TCP1: variants seen among roughly 807,000 people sequenced by gnomAD.
The protein encoded by TCP1 is t-complex 1.
TCP1 carries 6 observed loss-of-function variants against 54.7 expected under a neutral mutation model. The ratio of observed to expected loss-of-function variants is 0.11; its 90% CI spans 0.06 to 0.22. The LOEUF is 0.22. Ranked by LOEUF, TCP1 falls within the 10% of genes least tolerant of loss-of-function variation. TCP1 has a pLI of 1.00. For missense variants in TCP1, 511 were observed against 678.2 expected (o/e 0.75, Z 2.74); for synonymous variants, 225 against 229.7 (o/e 0.98, Z 0.19).
intron 3 of TCP1, 32 bp from the exon 4 acceptor site, chr6:159,786,029 G>T: frequency 6.4e-7 from 1 of 1,552,158 alleles, no homozygotes. Flanking sequence ...GTCTGAGTGT[G>T]CCGGATATTC....
Position 159,787,634 on chromosome 6 carries a change from G to A in TCP1, c.279+109C>T. The A allele has an allele frequency of 2.2e-6, 3 of 1,365,404 alleles. No homozygotes were observed. The South Asian group carries it at 4.3e-5, about 20-fold the overall frequency. 84.6% of individuals were successfully genotyped at this position (1,365,404 alleles called of 1,614,324 possible). On this transcript the variant is annotated intron_variant, in intron 3 of 11. Transcript: ENST00000321394. ...TCTTGCTCAATCTTCTGGGCATTCA[G>A]AATATGTAACTTATTTCTGACACAG... is the stretch of plus-strand genomic sequence containing the variant.
intron 2 of TCP1, 25 bp downstream of exon 2, chr6:159,788,033 T>C (rs1780740617): frequency 6.2e-7 from 1 of 1,611,466 alleles, no homozygotes. Flanking sequence ...TTAAGGAAAC[T>C]AACACAACAG....
At chr6:159,787,699 G>C (rs199992741) in intron 3 of TCP1, 44 bp downstream of exon 3, 2 of 1,586,856 alleles carry the variant, frequency 1.3e-6, no homozygotes, top group Non-Finnish European at 1.7e-6. Flanking sequence ...TCTGAAAGTC[G>C]GTCGTTTTTA....
chr6:159,788,545 T>C (rs1780754971), intron 1 of TCP1: 1 of 162,802 alleles, frequency 6.1e-6, no homozygotes, highest in South Asian at 1.6e-4. Context: ...AGCGAGCCTA[T>C]TTGGCACAGC....
At position 159,789,564 on chromosome 6, in the gene TCP1, C is replaced by G; in HGVS notation, c.-96G>C. The stretch of plus-strand genomic sequence containing the variant: ...CCGGCGACCACAGCAGTGGCTGCGA[C>G]GGCGTGGAGCGTACCCGAGCGATGT... On this transcript the variant is annotated 5_prime_UTR_variant, in exon 1 of 12. Transcript: ENST00000321394. The G allele has an allele frequency of 7.0e-7, 1 of 1,427,924 alleles. No individual in the cohort carries two copies. The highest frequency in any genetic ancestry group is 9.7e-7 in the Non-Finnish European group (1 of 1,027,434). 88.5% of individuals were successfully genotyped at this position (1,427,924 alleles called of 1,614,324 possible).
At chr6:159,787,628 C>G in intron 3 of TCP1, 115 bp downstream of exon 3, 10 of 1,286,930 alleles carry the variant, frequency 7.8e-6, no homozygotes, top group Non-Finnish European at 1.1e-5. Context: ...ATCTTCTGGG[C>G]ATTCAGAATA....
chr6:159,779,983 C>A lies in TCP1; in HGVS notation c.1202G>T (p.Arg401Ile). 6.2e-7 allele frequency: 1 copy of A among 1,614,154 alleles called. No individual in the cohort carries two copies. Among genetic ancestry groups the A allele is most frequent in the Non-Finnish European group, 8.5e-7 (1 of 1,180,024 alleles). ...SLHDALCVVK[R>I]VLESKSVVPG... Reference sequence around the variant, plus strand: ...AACCACAGATTTTGACTCCAAAACTCTCTTCACTACACAAAGTGCATCATG... The same window carrying A: ...AACCACAGATTTTGACTCCAAAACTATCTTCACTACACAAAGTGCATCATG... Residue 401 changes from arginine (R) to isoleucine (I), a missense_variant, in exon 10 of 12, where the codon AGA (arginine) becomes ATA (isoleucine). Transcript: ENST00000321394.
At chr6:159,789,384 C>T in intron 1 of TCP1, 21 bp downstream of exon 1, 1 of 1,613,458 alleles carries the variant, frequency 6.2e-7, no homozygotes, top group South Asian at 1.1e-5. Flanking sequence ...CAAACCCGAC[C>T]CAGGCCCGGC....
Position 159,778,950 on chromosome 6 carries a change from A to G in TCP1, c.*95T>C. 1.3e-6 allele frequency: 2 copies of G among 1,559,098 alleles called. No homozygotes were observed. Among genetic ancestry groups the G allele is most frequent in the Admixed American group, 1.8e-5 (1 of 55,272 alleles). ...CCATTTCCTACATCACAAAAACCCA[A>G]GTTTACAGCTTGTACTTTACTTTAA... On this transcript the variant is annotated 3_prime_UTR_variant, in exon 12 of 12. Coordinates refer to ENST00000321394, the MANE Select transcript of TCP1 (RefSeq NM_030752.3).
rs1780565252 is a variant in TCP1, at chr6:159,781,050, A to G, written c.858T>C (p.Ile286=). The G allele has an allele frequency of 6.2e-7, 1 of 1,613,008 alleles. No homozygotes were observed. Among genetic ancestry groups the G allele is most frequent in the Admixed American group, 1.7e-5 (1 of 59,730 alleles). Residue 286 remains isoleucine (I), a synonymous_variant, in exon 8 of 12, where the codon ATT becomes ATC. Coordinates refer to ENST00000321394, the MANE Select transcript of TCP1 (RefSeq NM_030752.3). ...TATCATCAATTCCACCAGTGGTTAG[A>G]ATAACATTGGCACCAGTTGCCAGGA... is the stretch of plus-strand genomic sequence containing the variant. The part of the protein sequence containing the change: ...QKILATGANV[I]LTTGGIDDMC...
chr6:159,783,299 G>A (rs1562483534), intron 7 of TCP1, among the ~76,000 whole-genome samples: 1 of 151,824 alleles, frequency 6.6e-6, no homozygotes, highest in South Asian at 2.1e-4. Context: ...AAGAACACCC[G>A]TGCAGACTGA....
intron 3 of TCP1, among the ~76,000 whole-genome samples, chr6:159,787,078 T>TAAA (rs76955548): frequency 1.5e-5 from 2 of 133,626 alleles, no homozygotes; most frequent in African/African-American, 2.9e-5. Context: ...CCCTGTCTCT[T>TAAA]AAAAAAAAAA....
At chr6:159,788,000 A>C (rs906155923) in intron 2 of TCP1, 58 bp downstream of exon 2, 9 of 1,609,468 alleles carry the variant, frequency 5.6e-6, no homozygotes, top group Non-Finnish European at 7.7e-6. Flanking sequence ...AGAACATAGC[A>C]AAACACTGAA....
chr6:159,787,613 G>T, intron 3 of TCP1, 130 bp downstream of exon 3: 5 of 1,197,778 alleles, frequency 4.2e-6, no homozygotes, highest in South Asian at 1.6e-5. Flanking sequence ...TTTTCTTCTT[G>T]CTCAATCTTC....
Position 159,780,578 on chromosome 6 carries a change from G to A in TCP1, c.974-12C>T. ...TGACAGAATAGTTGCTAATAAGAGA[G>A]TTACAAAGGATCTGTGAATATTGCT... On this transcript the variant is annotated splice_polypyrimidine_tract_variant and intron_variant, in intron 8 of 11. Coordinates refer to ENST00000321394, the MANE Select transcript of TCP1 (RefSeq NM_030752.3). 1 of 1,608,280 alleles carries A rather than the reference G, an allele frequency of 6.2e-7. No individual in the cohort carries two copies. The highest frequency in any genetic ancestry group is 8.5e-7 in the Non-Finnish European group (1 of 1,178,438).
intron 1 of TCP1, chr6:159,788,408 C>A (rs937551579): frequency 2.7e-6 from 1 of 370,148 alleles, no homozygotes; most frequent in African/African-American, 2.1e-5. Flanking sequence ...GGCAACATAG[C>A]GAAACCCATT....
intron 5 of TCP1, 165 bp from the exon 6 acceptor site, chr6:159,785,012 CAT>C (rs1335565543): frequency 2.0e-5 from 14 of 710,342 alleles, no homozygotes; most frequent in Non-Finnish European, 3.1e-5. Context: ...ATCTGCAATT[CAT>C]ATCACTTTTA....
At chr6:159,783,539 C>T (rs942315465) in intron 7 of TCP1, among the ~76,000 whole-genome samples, 3 of 152,000 alleles carry the variant, frequency 2.0e-5, no homozygotes. Context: ...CCACTGTGCC[C>T]AGCCTAAACA....
chr6:159,784,581 G>T, intron 6 of TCP1, 85 bp downstream of exon 6: 1 of 1,440,836 alleles, frequency 6.9e-7, no homozygotes, highest in Non-Finnish European at 9.5e-7. Flanking sequence ...TGGGATTACA[G>T]GCATGAGCCA....
Sources: gnomAD v4.1 joint callset for allele counts (sites outside exome capture counted in the v4.1 genomes callset) on GRCh38, gnomAD v4.1.1 for gene constraint, MANE v1.5 for transcripts, NCBI Gene and HGNC (gene_info 2026-07-23, HGNC 2026-07-21) for gene names.